The following PRKG1 variants were observed in gnomAD, a reference collection of about 807,000 sequenced individuals.
The protein encoded by PRKG1 is protein kinase cGMP-dependent 1, also known as cGMP-dependent protein kinase 1.
A neutral mutation model predicts 88.1 loss-of-function variants in PRKG1; 35 were observed. The ratio of observed to expected loss-of-function variants is 0.40; its 90% CI spans 0.30 to 0.53. The LOEUF (loss-of-function observed/expected upper bound fraction) is 0.53. Ranked by LOEUF, PRKG1 falls within the 20% of genes least tolerant of loss-of-function variation. PRKG1 has a pLI of 0.59. For missense variants in PRKG1, 540 were observed against 839.8 expected (o/e 0.64, Z 4.41); for synonymous variants, 303 against 292.5 (o/e 1.04, Z -0.37).
chr10:51,657,694 G>C (rs915927313), intron 3 of PRKG1, among the ~76,000 whole-genome samples: 1 of 152,096 alleles, frequency 6.6e-6, no homozygotes, highest in Non-Finnish European at 1.5e-5. Flanking sequence ...TTATGGAGTG[G>C]AACATTTTTG....
At chr10:51,409,265 C>G (rs1564481694) in intron 2 of PRKG1, among the ~76,000 whole-genome samples, 1 of 152,104 alleles carries the variant, frequency 6.6e-6, no homozygotes, top group Non-Finnish European at 1.5e-5. Flanking sequence ...TAGGAAACTC[C>G]CCATGAGGCC....
intron 2 of PRKG1, among the ~76,000 whole-genome samples, chr10:51,353,683 C>T (rs1842302022): frequency 6.6e-6 from 1 of 152,090 alleles, no homozygotes; most frequent in Non-Finnish European, 1.5e-5. Flanking sequence ...AGAGAACCCT[C>T]ATACACTGTT....
intron 7 of PRKG1, among the ~76,000 whole-genome samples, chr10:52,072,158 C>CTTTTTTTTTTTTTTTTTTTTTTTTTG (rs1846513678): frequency 2.5e-5 from 1 of 39,556 alleles, no homozygotes; most frequent in Non-Finnish European, 4.1e-5. Flanking sequence ...TATTGTTTTG[C>CTTTTTTTTTTTTTTTTTTTTTTTTTG]TTTTTTTTTT....
intron 3 of PRKG1, among the ~76,000 whole-genome samples, chr10:51,768,693 T>A (rs1046151233): frequency 6.6e-6 from 1 of 152,094 alleles, no homozygotes; most frequent in South Asian, 2.1e-4. Flanking sequence ...ATAATGTATT[T>A]AAAAGATGAA....
chr10:51,351,546 A>G (rs1842247505), intron 2 of PRKG1, among the ~76,000 whole-genome samples: 2 of 151,944 alleles, frequency 1.3e-5, no homozygotes, highest in African/African-American at 4.8e-5. Flanking sequence ...TGGCCACATA[A>G]ATGTCTTCTT....
intron 9 of PRKG1, among the ~76,000 whole-genome samples, chr10:52,163,526 T>C (rs1838339452): frequency 6.6e-6 from 1 of 152,064 alleles, no homozygotes; most frequent in African/African-American, 2.4e-5. Context: ...CCTATTAAAC[T>C]TTGAAAGTTT....
intron 2 of PRKG1, among the ~76,000 whole-genome samples, chr10:51,196,563 A>G (rs1181156438): frequency 6.6e-6 from 1 of 152,188 alleles, no homozygotes; most frequent in South Asian, 2.1e-4. Flanking sequence ...ACATACATAA[A>G]TACTACAATA....
At chr10:51,334,569 T>G (rs1841826098) in intron 2 of PRKG1, among the ~76,000 whole-genome samples, 1 of 152,200 alleles carries the variant, frequency 6.6e-6, no homozygotes, top group Non-Finnish European at 1.5e-5. Flanking sequence ...AATCTAATCC[T>G]TTGTTCCTCT....
At chr10:51,054,003 T>C (rs965557264) in intron 1 of PRKG1, among the ~76,000 whole-genome samples, 6 of 152,192 alleles carry the variant, frequency 3.9e-5, no homozygotes, top group Admixed American at 3.3e-4. Context: ...ATAAACACTT[T>C]TTATTAGAAG....
chr10:52,159,464 A>G (rs981083789), intron 8 of PRKG1, among the ~76,000 whole-genome samples: 1 of 151,550 alleles, frequency 6.6e-6, no homozygotes, highest in African/African-American at 2.4e-5. Flanking sequence ...TTTTTTTCCA[A>G]TCAAGCTCAA....
At chr10:51,625,552 G>A (rs2132269168) in intron 3 of PRKG1, among the ~76,000 whole-genome samples, 1 of 152,166 alleles carries the variant, frequency 6.6e-6, no homozygotes, top group Admixed American at 6.5e-5. Context: ...CTGGAATGGG[G>A]ATTAACTGAA....
At chr10:51,577,266 C>A (rs1589099960) in intron 3 of PRKG1, among the ~76,000 whole-genome samples, 1 of 151,812 alleles carries the variant, frequency 6.6e-6, no homozygotes, top group Admixed American at 6.6e-5. Context: ...AGTCAATCTG[C>A]CAACCTAAAA....
intron 3 of PRKG1, among the ~76,000 whole-genome samples, chr10:51,786,799 T>C (rs1838741052): frequency 6.6e-6 from 1 of 152,202 alleles, no homozygotes. Flanking sequence ...ATTTTCCTTC[T>C]TGTATCAACA....
intron 5 of PRKG1, among the ~76,000 whole-genome samples, chr10:51,951,219 G>C (rs10762512): frequency 0.78 from 118,801 of 152,190 alleles, 46,920 homozygotes; most frequent in African/African-American, 0.9. Context: ...CTGCCCCTAT[G>C]TGCTTTGGCA....
chr10:51,997,938 A>G (rs1589500235), intron 5 of PRKG1, among the ~76,000 whole-genome samples: 3 of 152,024 alleles, frequency 2.0e-5, no homozygotes, highest in East Asian at 1.9e-4. Flanking sequence ...CGTTGAATAG[A>G]GGTGGTGATA....
At chr10:51,390,119 C>T (rs1167801026) in intron 2 of PRKG1, among the ~76,000 whole-genome samples, 1 of 152,204 alleles carries the variant, frequency 6.6e-6, no homozygotes, top group Non-Finnish European at 1.5e-5. Flanking sequence ...ACTCCATACA[C>T]ACTTCAGTTG....
intron 1 of PRKG1, among the ~76,000 whole-genome samples, chr10:51,110,759 T>C (rs1844963039): frequency 6.6e-6 from 1 of 152,102 alleles, no homozygotes; most frequent in Non-Finnish European, 1.5e-5. Flanking sequence ...AAATTAGGAC[T>C]AGCTCATTCT....
At chr10:52,007,412 C>A (rs1346506155) in intron 5 of PRKG1, among the ~76,000 whole-genome samples, 1 of 152,020 alleles carries the variant, frequency 6.6e-6, no homozygotes, top group Non-Finnish European at 1.5e-5. Flanking sequence ...TCTTAGGCTC[C>A]AAATAACAGG....
intron 7 of PRKG1, among the ~76,000 whole-genome samples, chr10:52,123,930 T>A (rs1847876766): frequency 6.6e-6 from 1 of 152,184 alleles, no homozygotes; most frequent in Non-Finnish European, 1.5e-5. Flanking sequence ...TGCCTTCTTT[T>A]CTTTTACTCA....
Sources: gnomAD v4.1 joint callset for allele counts (sites outside exome capture counted in the v4.1 genomes callset) on GRCh38, gnomAD v4.1.1 for gene constraint, MANE v1.5 for transcripts, NCBI Gene and HGNC (gene_info 2026-07-23, HGNC 2026-07-21) for gene names.